AGO2: variants seen among roughly 807,000 people sequenced by gnomAD.
The protein encoded by AGO2 is argonaute RISC catalytic component 2.
In AGO2, 5 loss-of-function variants were observed where a neutral mutation model predicts 102.3. The observed-to-expected ratio is 0.05, with a 90% CI of 0.03 to 0.10. The LOEUF is 0.10. Ranked by LOEUF, AGO2 falls within the 10% of genes least tolerant of loss-of-function variation. The pLI is 1.00. For synonymous variants in AGO2, 449 were observed against 473.1 expected (o/e 0.95, Z 0.66); for missense variants, 541 against 1,183.7 (o/e 0.46, Z 7.97).
chr8:140,562,691 G>A (rs1231405221), intron 3 of AGO2, 57 bp from the exon 4 acceptor site: 40 of 1,559,670 alleles, frequency 2.6e-5, no homozygotes, highest in Non-Finnish European at 3.4e-5. Context: ...CAGGGAGGAC[G>A]CAGCCTGGCA....
At chr8:140,534,444 A>C (rs2132859602) in intron 17 of AGO2, among the ~76,000 whole-genome samples, 1 of 152,270 alleles carries the variant, frequency 6.6e-6, no homozygotes, top group Non-Finnish European at 1.5e-5. Context: ...AAAGCAAGCC[A>C]ACACTGGGAC....
At chr8:140,535,915 C>T (rs1423436357) in intron 16 of AGO2, among the ~76,000 whole-genome samples, 1 of 152,176 alleles carries the variant, frequency 6.6e-6, no homozygotes, top group Non-Finnish European at 1.5e-5. Context: ...GAAACTGTCA[C>T]CAACGTACAC....
intron 16 of AGO2, among the ~76,000 whole-genome samples, chr8:140,537,486 G>A (rs971970994): frequency 1.3e-5 from 2 of 152,070 alleles, no homozygotes; most frequent in African/African-American, 4.8e-5. Flanking sequence ...ATTTCTTTTC[G>A]AGATGGGGTT....
intron 14 of AGO2, among the ~76,000 whole-genome samples, chr8:140,543,381 G>A (rs528778363): frequency 2.6e-5 from 4 of 152,306 alleles, no homozygotes; most frequent in East Asian, 1.9e-4. Flanking sequence ...GGGGCAGCTC[G>A]AATGGCTTCC....
At chr8:140,597,414 T>G (rs2073861129) in intron 1 of AGO2, among the ~76,000 whole-genome samples, 1 of 150,998 alleles carries the variant, frequency 6.6e-6, no homozygotes, top group Non-Finnish European at 1.5e-5. Flanking sequence ...TGACATTACT[T>G]TCTCTGACTC....
intron 1 of AGO2, among the ~76,000 whole-genome samples, chr8:140,614,211 C>A (rs911968068): frequency 8.6e-5 from 13 of 151,984 alleles, no homozygotes; most frequent in Non-Finnish European, 1.6e-4. Context: ...GTAGTCCCAG[C>A]TACTCGGGAG....
chr8:140,565,438 CAA>C (rs34129157), intron 3 of AGO2, among the ~76,000 whole-genome samples: 3 of 86,448 alleles, frequency 3.5e-5, no homozygotes, highest in East Asian at 2.9e-4. Flanking sequence ...GACTCTGTCT[CAA>C]AAAAAAAAAA....
At chr8:140,607,515 T>TATATAC (rs2074019365) in intron 1 of AGO2, among the ~76,000 whole-genome samples, 1 of 18,928 alleles carries the variant, frequency 5.3e-5, no homozygotes, top group Non-Finnish European at 1.2e-4. Context: ...TATATATATA[T>TATATAC]ACACACACAC....
At chr8:140,552,075 G>A (rs552531420) in intron 10 of AGO2, among the ~76,000 whole-genome samples, 1 of 152,338 alleles carries the variant, frequency 6.6e-6, no homozygotes, top group South Asian at 2.1e-4. Context: ...TGGAGGAAGA[G>A]AAGTGCCTTG....
chr8:140,627,999 A>G (rs1211752741), intron 1 of AGO2, among the ~76,000 whole-genome samples: 2 of 152,096 alleles, frequency 1.3e-5, no homozygotes, highest in Non-Finnish European at 2.9e-5. Context: ...TGCTCCCTGG[A>G]GCTGCTCGAG....
chr8:140,555,986 G>A lies in AGO2; in HGVS notation c.1179C>T (p.Tyr393=), dbSNP rs770101250. The A allele has an allele frequency of 1.8e-5, 29 of 1,614,070 alleles. No individual in the cohort carries two copies. The highest frequency in any genetic ancestry group is 7.7e-5 in the South Asian group (7 of 91,090). ...TGACCATGATTCCAAATTCACGGAC[G>A]TATGGATCTGTGTTGAAACTTGCAC... is the stretch of plus-strand genomic sequence containing the variant. ...MRSASFNTDP[Y]VREFGIMVKD... The change falls in exon 10 of 19, where the codon TAC becomes TAT. Residue 393 remains tyrosine (Y), a synonymous_variant. Coordinates refer to ENST00000220592, the MANE Select transcript of AGO2 (RefSeq NM_012154.5).
intron 1 of AGO2, among the ~76,000 whole-genome samples, chr8:140,591,210 TCTCC>T (rs2073742167): frequency 6.6e-6 from 1 of 152,188 alleles, no homozygotes; most frequent in Admixed American, 6.5e-5. Context: ...TCGTTTCTGT[TCTCC>T]CTGAGTAGAA....
chr8:140,604,860 A>G (rs2073976095), intron 1 of AGO2, among the ~76,000 whole-genome samples: 1 of 152,026 alleles, frequency 6.6e-6, no homozygotes, highest in Non-Finnish European at 1.5e-5. Flanking sequence ...GACAACTGGG[A>G]AAACCCGTGA....
Position 140,521,478 on chromosome 8 carries a change from T to C in AGO2, c.*10566A>G, listed in dbSNP as rs1401681415. The C allele has an allele frequency of 6.6e-6, 1 of 152,256 alleles. No homozygotes were observed. Among genetic ancestry groups the C allele is most frequent in the African/African-American group, 2.4e-5 (1 of 41,470 alleles). The allele number at this position is 152,256 out of a possible 1,614,324, so 9.4% of individuals were successfully genotyped here. ...TATATACTACAGGAAAGATCCCTAA[T>C]TTTTATTTCTTATTGGTATAAAATC... On this transcript the variant is annotated 3_prime_UTR_variant, in exon 19 of 19. Coordinates refer to ENST00000220592, the MANE Select transcript of AGO2 (RefSeq NM_012154.5).
intron 1 of AGO2, among the ~76,000 whole-genome samples, chr8:140,618,269 G>C (rs907280445): frequency 6.6e-6 from 1 of 151,702 alleles, no homozygotes; most frequent in African/African-American, 2.4e-5. Context: ...GCAGTGAGCC[G>C]AGATCGTGCC....
chr8:140,552,240 A>T (rs1489743747), intron 10 of AGO2, among the ~76,000 whole-genome samples: 1 of 152,238 alleles, frequency 6.6e-6, no homozygotes, highest in East Asian at 1.9e-4. Context: ...CACTGCCTGC[A>T]GCTGTGTCGG....
intron 1 of AGO2, among the ~76,000 whole-genome samples, chr8:140,612,841 C>T (rs1362743985): frequency 1.3e-5 from 2 of 152,052 alleles, no homozygotes; most frequent in Non-Finnish European, 2.9e-5. Context: ...GCTACAACAA[C>T]AACCCTCCCT....
intron 1 of AGO2, among the ~76,000 whole-genome samples, chr8:140,608,738 C>T (rs537238710): frequency 2.6e-5 from 4 of 152,364 alleles, no homozygotes; most frequent in East Asian, 1.9e-4. Context: ...ACCCCTTAAA[C>T]GTCCTGCATC....
rs2074398194 is a variant in AGO2 at position 140,635,593 on chromosome 8, G to A, written c.-87C>T. The stretch of plus-strand genomic sequence containing the variant: ...CGCCGCGAGCCGCGAGGGAGCCGCC[G>A]GCCGCACGATCCGCCCCGGCGCGGC... On this transcript the variant is annotated 5_prime_UTR_variant, in exon 1 of 19. Transcript: ENST00000220592. The A allele has an allele frequency of 1.1e-5, 10 of 915,882 alleles. No individual in the cohort carries two copies. The South Asian group carries it at 4.4e-4, about 40-fold the overall frequency. 56.7% of individuals were successfully genotyped at this position (915,882 alleles called of 1,614,324 possible).
Sources: allele counts gnomAD v4.1 joint callset (sites outside exome capture counted in the v4.1 genomes callset), GRCh38; gene constraint gnomAD v4.1.1; transcripts MANE v1.5; gene names NCBI Gene and HGNC (gene_info 2026-07-23, HGNC 2026-07-21).